The following ADRA1B variants were observed in gnomAD, a reference collection of about 807,000 sequenced individuals.
ADRA1B encodes the protein adrenoceptor alpha 1B, also known as alpha-1B adrenergic receptor.
Under a neutral mutation model 17.9 loss-of-function variants are expected in ADRA1B, and 17 were observed. The observed-to-expected ratio is 0.95, with a 90% CI of 0.65 to 1.42. The LOEUF is 1.42. ADRA1B is among the 40% of genes most tolerant of loss of function. The pLI is 0.00. For synonymous variants in ADRA1B, 366 were observed against 327.6 expected, an observed-to-expected ratio of 1.12 and a Z score of -1.27; for missense variants, 681 against 722.1, an observed-to-expected ratio of 0.94 and a Z score of 0.65.
downstream of ADRA1B, among the ~76,000 whole-genome samples, chr5:159,977,303 T>C (rs1193481157): frequency 1.3e-5 from 2 of 152,250 alleles, no homozygotes; most frequent in South Asian, 2.1e-4. Flanking sequence ...GTGTTAGACA[T>C]GTGAACACAA....
chr5:159,889,967 T>G (rs1313804426), intron 1 of ADRA1B, among the ~76,000 whole-genome samples: 1 of 152,098 alleles, frequency 6.6e-6, no homozygotes, highest in Non-Finnish European at 1.5e-5. Flanking sequence ...CCAAAAGAAA[T>G]GAACAATGGC....
At position 159,972,536 on chromosome 5, in the gene ADRA1B, TGGGGG is replaced by T; in HGVS notation, c.*47_*51del. On this transcript the variant is annotated 3_prime_UTR_variant, in exon 2 of 2. Coordinates refer to ENST00000306675, the MANE Select transcript of ADRA1B (RefSeq NM_000679.4). ...TCTTTCCCTGGGGAGGAAAACATCG[TGGGGG>T]GGAGGGGAGGGCGGGGCGGAGGGGG... 1.0e-4 allele frequency: 3 copies of T among 29,218 alleles called. No individual in the cohort carries two copies. The highest frequency in any genetic ancestry group is 1.6e-4 in the Non-Finnish European group (3 of 18,628). The allele number at this position is 29,218 out of a possible 1,614,324, so 1.8% of individuals were successfully genotyped here. A position where few individuals can be genotyped will look rare whatever the true frequency, so the allele number is the denominator to read the frequency against.
intron 1 of ADRA1B, among the ~76,000 whole-genome samples, chr5:159,955,779 G>A (rs554367684): frequency 6.0e-4 from 91 of 152,176 alleles, no homozygotes; most frequent in African/African-American, 2.1e-3. Flanking sequence ...TAGCTAATGC[G>A]ACCCCCTTGT....
At chr5:159,865,235 G>A (rs1753639156) in intron 1 of ADRA1B, 1 of 152,182 alleles carries the variant, frequency 6.6e-6, no homozygotes, top group African/African-American at 2.4e-5. Flanking sequence ...GCTGACTGCA[G>A]TCAAGATGAA....
the ADRA1B span, among the ~76,000 whole-genome samples, chr5:159,989,008 T>C: frequency 6.6e-6 from 1 of 152,228 alleles, no homozygotes; most frequent in Non-Finnish European, 1.5e-5. Flanking sequence ...CTGCTTTCAA[T>C]TCTTTTGGAT....
chr5:159,920,084 A>AC (rs2113159234), intron 1 of ADRA1B, among the ~76,000 whole-genome samples: 1 of 152,298 alleles, frequency 6.6e-6, no homozygotes, highest in East Asian at 1.9e-4. Flanking sequence ...CCTGGGCCGA[A>AC]CCCCCAGCAA....
intron 1 of ADRA1B, among the ~76,000 whole-genome samples, chr5:159,940,902 A>G (rs1755106220): frequency 6.6e-6 from 1 of 152,246 alleles, no homozygotes; most frequent in African/African-American, 2.4e-5. Context: ...CCAGCTTTCC[A>G]AGCATAACTC....
intron 1 of ADRA1B, among the ~76,000 whole-genome samples, chr5:159,967,538 CATAG>C (rs1377528388): frequency 2.0e-5 from 3 of 152,146 alleles, no homozygotes; most frequent in African/African-American, 7.2e-5. Context: ...AACTCTATGA[CATAG>C]ATATTGTCCC....
intron 1 of ADRA1B, among the ~76,000 whole-genome samples, chr5:159,941,282 T>G (rs940123902): frequency 1.3e-5 from 2 of 152,240 alleles, no homozygotes; most frequent in African/African-American, 4.8e-5. Flanking sequence ...TTAGAACGTT[T>G]TCATCATCAC....
At chr5:159,932,059 A>G (rs944430846) in intron 1 of ADRA1B, among the ~76,000 whole-genome samples, 1 of 152,276 alleles carries the variant, frequency 6.6e-6, no homozygotes, top group African/African-American at 2.4e-5. Flanking sequence ...TGGATCACCC[A>G]GTGCTTTTTT....
chr5:159,980,538 A>G, the ADRA1B span, among the ~76,000 whole-genome samples: 1 of 152,206 alleles, frequency 6.6e-6, no homozygotes, highest in Non-Finnish European at 1.5e-5. Context: ...GCTTGAGGTC[A>G]GAAAGAACTG....
intron 1 of ADRA1B, chr5:159,888,458 A>G (rs560984230): frequency 6.6e-6 from 1 of 152,252 alleles, no homozygotes; most frequent in Non-Finnish European, 1.5e-5. Flanking sequence ...ATTGACAACT[A>G]TGTTATAAAT....
intron 1 of ADRA1B, chr5:159,947,982 AATTG>A (rs1755323297): frequency 2.2e-5 from 22 of 985,380 alleles, no homozygotes; most frequent in Non-Finnish European, 2.7e-5. Context: ...TCATGAAGGG[AATTG>A]ATTTGATCAA....
chr5:159,934,745 G>A (rs1754906758), intron 1 of ADRA1B, among the ~76,000 whole-genome samples: 1 of 151,710 alleles, frequency 6.6e-6, no homozygotes, highest in Admixed American at 6.6e-5. Flanking sequence ...GGAGGTGGAG[G>A]GTGGAGGTTG....
At chr5:159,943,183 G>T (rs1047520309) in intron 1 of ADRA1B, among the ~76,000 whole-genome samples, 5 of 151,132 alleles carry the variant, frequency 3.3e-5, no homozygotes, top group African/African-American at 1.2e-4. Flanking sequence ...CTGTACTCCC[G>T]CCTGGGTGAC....
intron 1 of ADRA1B, among the ~76,000 whole-genome samples, chr5:159,876,104 G>T (rs767950151): frequency 3.9e-5 from 6 of 152,140 alleles, no homozygotes; most frequent in African/African-American, 7.2e-5. Flanking sequence ...CAGGAGAATC[G>T]CTTGAACTCA....
chr5:159,912,976 G>A (rs1255625988), upstream of ADRA1B, among the ~76,000 whole-genome samples: 2 of 152,154 alleles, frequency 1.3e-5, no homozygotes, highest in East Asian at 1.9e-4. Context: ...ATCTCTATAT[G>A]CCTGGTCGAA....
At chr5:159,942,865 ATTG>A (rs1260468310) in intron 1 of ADRA1B, among the ~76,000 whole-genome samples, 1 of 152,232 alleles carries the variant, frequency 6.6e-6, no homozygotes, top group Non-Finnish European at 1.5e-5. Flanking sequence ...GTCAAAAAAA[ATTG>A]TTCTTAATTT....
chr5:159,978,211 C>T, the ADRA1B span, among the ~76,000 whole-genome samples: 11 of 152,276 alleles, frequency 7.2e-5, no homozygotes, highest in East Asian at 1.9e-3. Context: ...CTCAGCACTT[C>T]ATGTAGTACC....
Sources: allele counts gnomAD v4.1 joint callset (sites outside exome capture counted in the v4.1 genomes callset), GRCh38; gene constraint gnomAD v4.1.1; transcripts MANE v1.5; gene names NCBI Gene and HGNC (gene_info 2026-07-23, HGNC 2026-07-21).